The following TNNI3K variants were observed in gnomAD, a reference collection of about 807,000 sequenced individuals.
The protein encoded by TNNI3K is TNNI3 interacting kinase.
A neutral mutation model predicts 114.5 loss-of-function variants in TNNI3K; 140 were observed. That is an observed-to-expected ratio of 1.22 (90% confidence interval 1.07 to 1.41). The LOEUF is 1.41. Ranked by LOEUF, TNNI3K falls within the 40% of genes most tolerant of loss-of-function variation. The pLI is 0.00. For missense variants in TNNI3K, 1,125 were observed against 1,007.6 expected (o/e 1.12, Z -1.58); for synonymous variants, 347 against 347.5 (o/e 1.00, Z 0.02).
At chr1:74,293,920 T>C (rs1349366671) in intron 5 of TNNI3K, among the ~76,000 whole-genome samples, 2 of 151,736 alleles carry the variant, frequency 1.3e-5, no homozygotes, top group Non-Finnish European at 3.0e-5. Context: ...TAAATTGTTA[T>C]CAAATATTTT....
At chr1:74,539,330 G>A (rs989942978) in intron 23 of TNNI3K, among the ~76,000 whole-genome samples, 34 of 152,174 alleles carry the variant, frequency 2.2e-4, no homozygotes, top group African/African-American at 7.2e-4. Context: ...GGAGAATTAA[G>A]AGTTCTTCTA....
At chr1:74,409,487 T>A (rs145521188) in intron 17 of TNNI3K, among the ~76,000 whole-genome samples, 270 of 149,488 alleles carry the variant, frequency 1.8e-3, no homozygotes, top group African/African-American at 6.5e-3. Flanking sequence ...ATTTTCTATT[T>A]GTTTCTTTTT....
intron 2 of TNNI3K, among the ~76,000 whole-genome samples, chr1:74,244,512 A>C (rs1654437263): frequency 6.6e-6 from 1 of 151,914 alleles, no homozygotes; most frequent in African/African-American, 2.4e-5. Context: ...CTTTTTTAAA[A>C]ATAAAGCAAT....
At chr1:74,362,656 ACTGTC>A (rs1289223433) in intron 11 of TNNI3K, among the ~76,000 whole-genome samples, 7 of 152,278 alleles carry the variant, frequency 4.6e-5, no homozygotes, top group African/African-American at 1.2e-4. Context: ...TAGATATTAA[ACTGTC>A]TTTGTAACAG....
Position 74,353,472 on chromosome 1 carries a change from G to T in TNNI3K, c.1027+112G>T, listed in dbSNP as rs1441693729. The stretch of plus-strand genomic sequence containing the variant: ...GAGTGCTCAACTCCAGTGGGAAAGG[G>T]TATTTTATCAACTGCCAGCATTTAG... On this transcript the variant is annotated intron_variant, in intron 10 of 24. Coordinates refer to ENST00000326637, the MANE Select transcript of TNNI3K (RefSeq NM_015978.3). 4.4e-6 allele frequency: 5 copies of T among 1,138,714 alleles called. No homozygotes were observed. In the Admixed American group the frequency reaches 1.1e-4, roughly 24 times the overall value. 70.5% of individuals were successfully genotyped at this position (1,138,714 alleles called of 1,614,324 possible).
intron 17 of TNNI3K, among the ~76,000 whole-genome samples, chr1:74,379,824 C>A (rs915425168): frequency 7.9e-5 from 12 of 152,052 alleles, no homozygotes; most frequent in Non-Finnish European, 1.8e-4. Flanking sequence ...TCCTTTAGTC[C>A]TGAGTTGTCC....
intron 5 of TNNI3K, among the ~76,000 whole-genome samples, chr1:74,289,688 A>G (rs1557477168): frequency 6.6e-6 from 1 of 151,982 alleles, no homozygotes; most frequent in Admixed American, 6.6e-5. Context: ...CAAAATTTGC[A>G]AACTGTCAAG....
At chr1:74,359,508 G>A (rs1004521664) in intron 11 of TNNI3K, among the ~76,000 whole-genome samples, 1 of 151,922 alleles carries the variant, frequency 6.6e-6, no homozygotes, top group Non-Finnish European at 1.5e-5. Flanking sequence ...ATATAAAAGT[G>A]TGTGTTGTTT....
chr1:74,379,741 A>G (rs1355691908), intron 17 of TNNI3K, among the ~76,000 whole-genome samples: 1 of 152,092 alleles, frequency 6.6e-6, no homozygotes, highest in East Asian at 1.9e-4. Context: ...CAGAGGGCCA[A>G]CTGTGTCCCA....
chr1:74,263,861 C>A (rs769122132), intron 4 of TNNI3K, among the ~76,000 whole-genome samples: 4 of 151,788 alleles, frequency 2.6e-5, no homozygotes, highest in Non-Finnish European at 4.4e-5. Context: ...TATGTTATAG[C>A]TAAAAACAAA....
intron 23 of TNNI3K, among the ~76,000 whole-genome samples, chr1:74,493,968 G>A (rs1480042662): frequency 6.6e-6 from 1 of 152,164 alleles, no homozygotes; most frequent in Non-Finnish European, 1.5e-5. Context: ...AGTGGGAATG[G>A]GGTCATAGTT....
intron 21 of TNNI3K, chr1:74,469,681 C>A: frequency 2.6e-6 from 1 of 377,776 alleles, no homozygotes; most frequent in Non-Finnish European, 4.7e-6. Flanking sequence ...TTGTGTCAGA[C>A]GTATCCTATG....
intron 17 of TNNI3K, among the ~76,000 whole-genome samples, chr1:74,413,065 A>G (rs1664962948): frequency 6.6e-6 from 1 of 152,210 alleles, no homozygotes; most frequent in African/African-American, 2.4e-5. Flanking sequence ...CAGGTTAACA[A>G]TGCCACCTTC....
intron 21 of TNNI3K, chr1:74,470,270 T>G (rs1219659417): frequency 2.5e-6 from 1 of 400,644 alleles, no homozygotes; most frequent in Non-Finnish European, 4.4e-6. Context: ...CTTGTTCCAT[T>G]TTCCCAAGTT....
At chr1:74,424,703 A>C (rs1161868099) in intron 17 of TNNI3K, among the ~76,000 whole-genome samples, 2 of 142,220 alleles carry the variant, frequency 1.4e-5, no homozygotes, top group African/African-American at 5.1e-5. Context: ...CCTGGGTGAC[A>C]GAGTGAGTCC....
chr1:74,470,630 GT>G (rs1293325568), intron 21 of TNNI3K: 4 of 400,280 alleles, frequency 1.0e-5, no homozygotes, highest in East Asian at 7.1e-5. Context: ...GTTTTTGAAA[GT>G]TTTTTTTCTA....
At chr1:74,293,149 G>T (rs1657781993) in intron 5 of TNNI3K, among the ~76,000 whole-genome samples, 1 of 151,440 alleles carries the variant, frequency 6.6e-6, no homozygotes, top group Admixed American at 6.6e-5. Context: ...ATATTCTTTT[G>T]CCTGAAAGAT....
At chr1:74,322,061 C>T (rs1659640330) in intron 5 of TNNI3K, among the ~76,000 whole-genome samples, 1 of 152,124 alleles carries the variant, frequency 6.6e-6, no homozygotes, top group South Asian at 2.1e-4. Flanking sequence ...GCAAATGTTA[C>T]CATCTAAAAT....
At chr1:74,398,722 G>A (rs946917004) in intron 17 of TNNI3K, among the ~76,000 whole-genome samples, 2 of 152,122 alleles carry the variant, frequency 1.3e-5, no homozygotes, top group African/African-American at 4.8e-5. Flanking sequence ...GACGATGGGA[G>A]CCACTTTATC....
Sources: allele counts gnomAD v4.1 joint callset (sites outside exome capture counted in the v4.1 genomes callset), GRCh38; gene constraint gnomAD v4.1.1; transcripts MANE v1.5; gene names NCBI Gene and HGNC (gene_info 2026-07-23, HGNC 2026-07-21).